The following SUCLG2 variants were observed in gnomAD, a reference collection of about 807,000 sequenced individuals.
SUCLG2 encodes the protein succinate--CoA ligase [GDP-forming] subunit beta, mitochondrial.
In SUCLG2, 42 loss-of-function variants were observed where a neutral mutation model predicts 47.9. The ratio of observed to expected loss-of-function variants is 0.88; its 90% CI spans 0.69 to 1.14. The LOEUF (loss-of-function observed/expected upper bound fraction) is 1.14, where lower values mean the gene tolerates loss of function less well. Among genes scored for constraint, SUCLG2 ranks in the 50% most tolerant of loss-of-function variants. The probability of loss-of-function intolerance (pLI) is 0.00; values close to 1 mark genes in which losing one functional copy is unlikely to be tolerated. For synonymous variants in SUCLG2, 195 were observed against 197.3 expected, an observed-to-expected ratio of 0.99 and a Z score of 0.10; for missense variants, 571 against 525.9, an observed-to-expected ratio of 1.09 and a Z score of -0.84.
chr3:67,365,172 A>G (rs918249715), intron 10 of SUCLG2, among the ~76,000 whole-genome samples: 3 of 152,230 alleles, frequency 2.0e-5, no homozygotes, highest in Admixed American at 1.3e-4. Flanking sequence ...GGATTATAAC[A>G]GAAGAGCTAA....
intron 2 of SUCLG2, among the ~76,000 whole-genome samples, chr3:67,565,040 G>C (rs1211596684): frequency 4.6e-5 from 7 of 151,368 alleles, no homozygotes; most frequent in Admixed American, 4.6e-4. Context: ...TGAAATTAAA[G>C]TAATGAGTGA....
At chr3:67,631,626 C>A (rs1478092723) in intron 1 of SUCLG2, among the ~76,000 whole-genome samples, 1 of 151,090 alleles carries the variant, frequency 6.6e-6, no homozygotes, top group Non-Finnish European at 1.5e-5. Flanking sequence ...GACTCCGTTT[C>A]AAAAAAAATA....
At chr3:67,603,278 G>T (rs1410922783) in intron 2 of SUCLG2, among the ~76,000 whole-genome samples, 1 of 152,160 alleles carries the variant, frequency 6.6e-6, no homozygotes, top group Admixed American at 6.5e-5. Flanking sequence ...CATGTCATAG[G>T]ACAAAGCCAC....
chr3:67,518,445 GC>G, intron 5 of SUCLG2, 109 bp from the exon 6 acceptor site: 1 of 1,011,926 alleles, frequency 9.9e-7, no homozygotes, highest in Non-Finnish European at 1.4e-6. Flanking sequence ...TTAAAGTGTG[GC>G]ATCTATCCAG....
At chr3:67,369,051 C>T (rs1701916376) in intron 10 of SUCLG2, among the ~76,000 whole-genome samples, 1 of 152,094 alleles carries the variant, frequency 6.6e-6, no homozygotes, top group Non-Finnish European at 1.5e-5. Flanking sequence ...CTGTGCATTG[C>T]AATATATTTA....
intron 9 of SUCLG2, among the ~76,000 whole-genome samples, chr3:67,470,672 C>G (rs1704582605): frequency 6.6e-6 from 1 of 152,224 alleles, no homozygotes; most frequent in Non-Finnish European, 1.5e-5. Flanking sequence ...CAAGTAGGCC[C>G]TAACCAGATG....
At chr3:67,475,015 A>AG (rs1294292279) in intron 9 of SUCLG2, among the ~76,000 whole-genome samples, 1 of 143,874 alleles carries the variant, frequency 7.0e-6, no homozygotes, top group Non-Finnish European at 1.5e-5. Context: ...AAAAAAAAAA[A>AG]GAGAGGAAAA....
intron 1 of SUCLG2, among the ~76,000 whole-genome samples, chr3:67,612,940 T>C (rs1027078523): frequency 6.6e-6 from 1 of 152,176 alleles, no homozygotes; most frequent in Non-Finnish European, 1.5e-5. Flanking sequence ...TACCAGTTAT[T>C]TATAAAGGAT....
rs151130913 is a variant in SUCLG2, at chr3:67,439,004, C to T, written c.1063-38153G>A. Among the ~76,000 whole-genome samples the T allele has an allele frequency of 1.4e-3, 218 of 152,268 alleles. 1 individual carries two copies. Among genetic ancestry groups the T allele is most frequent in the African/African-American group, 5.0e-3 (207 of 41,558 alleles). On this transcript the variant is annotated intron_variant, in intron 9 of 10. Transcript: ENST00000307227. ...ATATCCTCAATAAAATTCTGGCAAA[C>T]CAAATCCAGTAGCACATCAAAAAGC...
At chr3:67,426,447 G>A (rs1427656602) in intron 9 of SUCLG2, among the ~76,000 whole-genome samples, 1 of 152,070 alleles carries the variant, frequency 6.6e-6, no homozygotes, top group Admixed American at 6.6e-5. Flanking sequence ...GAATATGGAG[G>A]ACTCTTCCAC....
intron 10 of SUCLG2, among the ~76,000 whole-genome samples, chr3:67,363,029 T>C (rs146715499): frequency 6.6e-6 from 1 of 152,344 alleles, no homozygotes; most frequent in Non-Finnish European, 1.5e-5. Context: ...TTGCTTTATG[T>C]TTCTCCTGAG....
At chr3:67,374,131 C>T (rs1200176476), downstream of SUCLG2, among the ~76,000 whole-genome samples, 1 of 152,062 alleles carries the variant, frequency 6.6e-6, no homozygotes, top group African/African-American at 2.4e-5. Context: ...TTTTACTGCA[C>T]CAACTAGTGA....
intron 9 of SUCLG2, among the ~76,000 whole-genome samples, chr3:67,494,976 G>T (rs1705293231): frequency 6.6e-6 from 1 of 152,110 alleles, no homozygotes; most frequent in African/African-American, 2.4e-5. Context: ...ATGAAACCAG[G>T]TACAGTTATT....
chr3:67,440,194 C>T (rs756685964), intron 9 of SUCLG2, among the ~76,000 whole-genome samples: 1 of 152,134 alleles, frequency 6.6e-6, no homozygotes, highest in Non-Finnish European at 1.5e-5. Flanking sequence ...AAAACTGAAG[C>T]TGGACTCCTT....
chr3:67,520,860 G>A (rs1161690851), intron 4 of SUCLG2, among the ~76,000 whole-genome samples: 1 of 152,090 alleles, frequency 6.6e-6, no homozygotes, highest in African/African-American at 2.4e-5. Context: ...CAGGTATTTC[G>A]TTTGCCTCAA....
chr3:67,557,729 C>T lies in SUCLG2; in HGVS notation c.227-28543G>A, dbSNP rs1236895737. On this transcript the variant is annotated intron_variant, in intron 2 of 10. Coordinates refer to ENST00000307227, the MANE Select transcript of SUCLG2 (RefSeq NM_003848.4). The stretch of plus-strand genomic sequence containing the variant: ...GGCATCAGAATCACTTGTAGTGCAT[C>T]TTAATAATTGAGAAATCCAAAGCAA... 2.6e-5 allele frequency among the ~76,000 whole-genome samples: 4 copies of T among 152,108 alleles called. No homozygotes were observed. In the East Asian group the frequency reaches 7.7e-4, roughly 29 times the overall value.
intron 9 of SUCLG2, among the ~76,000 whole-genome samples, chr3:67,471,607 T>C (rs929469554): frequency 6.6e-6 from 1 of 152,166 alleles, no homozygotes; most frequent in Non-Finnish European, 1.5e-5. Flanking sequence ...GACCTAGCCT[T>C]CTCTGGGGGA....
chr3:67,585,189 C>T (rs1455123681), intron 2 of SUCLG2, among the ~76,000 whole-genome samples: 6 of 152,188 alleles, frequency 3.9e-5, no homozygotes, highest in Admixed American at 1.3e-4. Context: ...GCTCCAATTT[C>T]ACCTCATGTC....
At chr3:67,428,906 G>T (rs1296405644) in intron 9 of SUCLG2, among the ~76,000 whole-genome samples, 1 of 152,140 alleles carries the variant, frequency 6.6e-6, no homozygotes, top group Non-Finnish European at 1.5e-5. Context: ...AGAGAAAAAA[G>T]AGTAAAAAGA....
Sources: gnomAD v4.1 joint callset for allele counts (sites outside exome capture counted in the v4.1 genomes callset) on GRCh38, gnomAD v4.1.1 for gene constraint, MANE v1.5 for transcripts, NCBI Gene and HGNC (gene_info 2026-07-23, HGNC 2026-07-21) for gene names.